Variants in FCN2 observed in about 807,000 individuals in gnomAD.
FCN2 encodes ficolin-2.
A neutral mutation model predicts 32.5 loss-of-function variants in FCN2; 31 were observed. The ratio of observed to expected loss-of-function variants is 0.96; its 90% confidence interval spans 0.72 to 1.29. The LOEUF is 1.29. Among genes scored for constraint, FCN2 ranks in the 50% most tolerant of loss-of-function variants. The pLI, the probability that FCN2 is intolerant of heterozygous loss-of-function variation, is 0.00. For synonymous variants in FCN2, 181 were observed against 164.5 expected, an observed-to-expected ratio of 1.10 and a Z score of -0.77; for missense variants, 412 against 406.5, an observed-to-expected ratio of 1.01 and a Z score of -0.12.
At chr9:134,883,519 G>A (rs1429345913) in intron 3 of FCN2, among the ~76,000 whole-genome samples, 164 bp downstream of exon 3, 1 of 151,552 alleles carries the variant, frequency 6.6e-6, no homozygotes, top group African/African-American at 2.4e-5. Flanking sequence ...GTCTCAGTGT[G>A]GGGGAAGGGG....
intron 7 of FCN2, among the ~76,000 whole-genome samples, 167 bp from the exon 8 acceptor site, chr9:134,887,001 A>G (rs980450419): frequency 6.6e-6 from 1 of 152,236 alleles, no homozygotes; most frequent in African/African-American, 2.4e-5. Context: ...TGCCAACAGC[A>G]GGGCAGTATT....
rs531319262 is a variant in FCN2, at chr9:134,882,058, C to G, written c.101-468C>G. ...CGTGGGAGTTGCAATGGTAGCCTCT[C>G]TCCCTGTGTCCTTCTCACCCGATAT... On this transcript the variant is annotated intron_variant, in intron 1 of 7. Transcript: ENST00000291744. Among the ~76,000 whole-genome samples the G allele has an allele frequency of 1.4e-4, 22 of 152,324 alleles. No individual in the cohort carries two copies. In the South Asian group the frequency reaches 4.6e-3, roughly 32 times the overall value.
intron 1 of FCN2, among the ~76,000 whole-genome samples, chr9:134,881,784 G>A (rs1830668162): frequency 6.6e-6 from 1 of 152,230 alleles, no homozygotes; most frequent in African/African-American, 2.4e-5. Flanking sequence ...TTGTGGAGTG[G>A]TGGGGTTAGG....
intron 7 of FCN2, 41 bp downstream of exon 7, chr9:134,886,605 G>C (rs746724223): frequency 9.9e-6 from 16 of 1,611,028 alleles, no homozygotes; most frequent in Middle Eastern, 1.6e-4. Flanking sequence ...GGCTTCTGAG[G>C]GGGGTTTGGG....
intron 1 of FCN2, among the ~76,000 whole-genome samples, chr9:134,881,346 G>A (rs375037030): frequency 6.8e-4 from 103 of 152,284 alleles, no homozygotes; most frequent in African/African-American, 2.1e-3. Context: ...GGTGTCAGGC[G>A]GGGATGAGCA....
chr9:134,880,989 TGGCTTCCTGGCTTCCA>T (rs1252761871), intron 1 of FCN2, 68 bp downstream of exon 1: 1 of 1,115,970 alleles, frequency 9.0e-7, no homozygotes, highest in African/African-American at 1.5e-5. Context: ...TCGTGATTGG[TGGCTTCCTGGCTTCCA>T]GGCCTTGCAC....
chr9:134,887,357 C>CG lies in FCN2; in HGVS notation c.888dup (p.Lys297GlufsTer6). On this transcript the variant is annotated frameshift_variant, in exon 8 of 8. Coordinates refer to ENST00000291744, the MANE Select transcript of FCN2 (RefSeq NM_004108.3). LOFTEE classifies it high-confidence loss of function. ...TTTGCAAATGGCATCAACTGGAAGT[C>CG]GGGGAAAGGATACAATTATAGCTAC... 1.2e-6 allele frequency: 2 copies of CG among 1,614,080 alleles called. No individual in the cohort carries two copies. The highest frequency in any genetic ancestry group is 2.2e-5 in the East Asian group (1 of 44,868).
upstream of FCN2, among the ~76,000 whole-genome samples, chr9:134,878,219 T>A (rs761853920): frequency 6.6e-6 from 1 of 152,204 alleles, no homozygotes; most frequent in Non-Finnish European, 1.5e-5. Context: ...TATATATGCC[T>A]ATCCTATTAG....
At chr9:134,868,250 C>A in the FCN2 span, 1 of 152,382 alleles carries the variant, frequency 6.6e-6, no homozygotes, top group Non-Finnish European at 1.5e-5. The surrounding 1 kb of genome is among the most constrained non-coding windows in gnomAD (Gnocchi z 4.3). Flanking sequence ...CACACCACAA[C>A]AACTACCCCT....
At chr9:134,881,871 C>T (rs1830669006) in intron 1 of FCN2, among the ~76,000 whole-genome samples, 1 of 152,164 alleles carries the variant, frequency 6.6e-6, no homozygotes, top group Non-Finnish European at 1.5e-5. Flanking sequence ...TTTTGTAACA[C>T]ACTCACTTGA....
chr9:134,870,187 C>A, the FCN2 span, among the ~76,000 whole-genome samples: 1 of 152,184 alleles, frequency 6.6e-6, no homozygotes, highest in Non-Finnish European at 1.5e-5. The surrounding 1 kb of genome is among the most constrained non-coding windows in gnomAD (Gnocchi z 4.3). Flanking sequence ...TGCCGGTTTC[C>A]CCGAGTTCTG....
At chr9:134,879,030 C>T (rs984524441), upstream of FCN2, among the ~76,000 whole-genome samples, 8 of 152,316 alleles carry the variant, frequency 5.3e-5, no homozygotes, top group Middle Eastern at 3.4e-3. Flanking sequence ...TTAATAGAAC[C>T]ACATTTATCC....
chr9:134,875,783 G>A, the FCN2 span, among the ~76,000 whole-genome samples: 10 of 152,246 alleles, frequency 6.6e-5, no homozygotes, highest in East Asian at 1.9e-4. Context: ...GTTGAACCAC[G>A]GATGAGACTA....
intron 1 of FCN2, among the ~76,000 whole-genome samples, chr9:134,882,078 C>G (rs1186824369): frequency 6.6e-6 from 1 of 152,082 alleles, no homozygotes; most frequent in Non-Finnish European, 1.5e-5. Context: ...CCTTCTCACC[C>G]GATATTGATT....
upstream of FCN2, among the ~76,000 whole-genome samples, chr9:134,876,951 G>T (rs1171764039): frequency 6.6e-6 from 1 of 152,168 alleles, no homozygotes; most frequent in African/African-American, 2.4e-5. Flanking sequence ...TGAATATGTT[G>T]GTGCTAAAGT....
upstream of FCN2, among the ~76,000 whole-genome samples, chr9:134,878,785 G>A (rs146563379): frequency 7.6e-3 from 1,164 of 152,244 alleles, 4 homozygotes; most frequent in Non-Finnish European, 0.012. Flanking sequence ...GGAGGTTGTG[G>A]TGAGCCAAGA....
At chr9:134,880,806 G>A, upstream of FCN2, 1 of 1,607,550 alleles carries the variant, frequency 6.2e-7, no homozygotes, top group Non-Finnish European at 8.5e-7. Flanking sequence ...ACCTTTTGAA[G>A]CAAAGACCAG....
chr9:134,879,039 C>A (rs961592459), upstream of FCN2, among the ~76,000 whole-genome samples: 15 of 152,196 alleles, frequency 9.9e-5, no homozygotes, highest in African/African-American at 3.4e-4. Flanking sequence ...CCACATTTAT[C>A]CTTTAGTACC....
rs12684476 is a variant in FCN2, at chr9:134,885,286, G to C, written c.349G>C (p.Gly117Arg). The change falls in exon 5 of 8, where the codon GGC (glycine) becomes CGC (arginine). Residue 117 changes from glycine to arginine, a missense_variant. Transcript: ENST00000291744. ...DLLDRGHFLS[G>R]WHTIYLPDCR... is the part of the protein sequence containing the mutation. Reference sequence around the variant, plus strand: ...GCTAGACCGAGGGCACTTCCTGAGCGGCTGGCACACCATCTACCTGCCCGA... The same window carrying C: ...GCTAGACCGAGGGCACTTCCTGAGCCGCTGGCACACCATCTACCTGCCCGA... 6.2e-7 allele frequency: 1 copy of C among 1,614,162 alleles called. No homozygotes were observed. The highest frequency in any genetic ancestry group is 8.5e-7 in the Non-Finnish European group (1 of 1,180,026).
Sources: gnomAD v4.1 joint callset for allele counts (sites outside exome capture counted in the v4.1 genomes callset) on GRCh38, gnomAD v4.1.1 for gene constraint, Gnocchi (gnomAD v3.1) non-coding constraint, MANE v1.5 for transcripts, NCBI Gene and HGNC (gene_info 2026-07-23, HGNC 2026-07-21) for gene names.